Variants in SFMBT2 observed in about 807,000 individuals in gnomAD.
The protein encoded by SFMBT2 is Scm like with four mbt domains 2.
In SFMBT2, 38 loss-of-function variants were observed where a neutral mutation model predicts 110.1. The observed-to-expected ratio is 0.35, with a 90% CI of 0.27 to 0.45. The LOEUF (loss-of-function observed/expected upper bound fraction) is 0.45, where lower values mean the gene tolerates loss of function less well. SFMBT2 is among the 20% of genes least tolerant of loss of function. The probability of loss-of-function intolerance (pLI) is 1.00; values close to 1 mark genes in which losing one functional copy is unlikely to be tolerated. For missense variants in SFMBT2, 1,011 were observed against 1,094.9 expected (o/e 0.92, Z 1.08); for synonymous variants, 425 against 425.4 (o/e 1.00, Z 0.01).
rs1376512157 is a variant in SFMBT2, at chr10:7,161,960, G to A, written c.*1810C>T. 6.6e-6 allele frequency: 1 copy of A among 152,204 alleles called. No homozygotes were observed. The highest frequency in any genetic ancestry group is 2.4e-5 in the African/African-American group (1 of 41,432). 9.4% of individuals were successfully genotyped at this position (152,204 alleles called of 1,614,324 possible). A position where few individuals can be genotyped will look rare whatever the true frequency, so the allele number is the denominator to read the frequency against. ...AAAGCAGGAAGGGTGAGAAGCCTCT[G>A]CTTCCAGTGTCTGCTTGGGAACTGT... On this transcript the variant is annotated 3_prime_UTR_variant, in exon 21 of 21. Coordinates refer to ENST00000397167, the MANE Select transcript of SFMBT2 (RefSeq NM_001387889.1).
In SFMBT2 at chr10:7,323,451, AAAAAAAAAAAAAAAAAACC is replaced by A. The variant is rs1312434596; in HGVS notation, c.437-37516_437-37498del. Among the ~76,000 whole-genome samples the A allele has an allele frequency of 5.4e-5, 6 of 110,254 alleles. No homozygotes were observed. In the East Asian group the frequency reaches 1.4e-3, roughly 25 times the overall value. The allele number at this position is 110,254 out of a possible 152,430, so 72.3% of individuals were successfully genotyped here. On this transcript the variant is annotated intron_variant, in intron 4 of 20. Transcript: ENST00000397167. ...GGGCAACAGAGCAAGACTCCATCTC[AAAAAAAAAAAAAAAAAACC>A]AAAAAAAAAAAAAATGAGGAAAATA...
chr10:7,255,612 A>G (rs1318671391), intron 7 of SFMBT2, among the ~76,000 whole-genome samples: 1 of 152,232 alleles, frequency 6.6e-6, no homozygotes, highest in Non-Finnish European at 1.5e-5. Context: ...TTCACAGGCT[A>G]CTGTGGCAAT....
Position 7,188,628 on chromosome 10 carries a change from C to T in SFMBT2, c.1804G>A (p.Ala602Thr). 6.2e-7 allele frequency: 1 copy of T among 1,612,562 alleles called. No individual in the cohort carries two copies. Among genetic ancestry groups the T allele is most frequent in the South Asian group, 1.1e-5 (1 of 90,824 alleles). ...TCCAGAATTGAAAACACTTACTTGG[C>T]CTTCAGCGTCTCTTCCTGGAAATTC... ...HWNFQEETLK[A>T]KYRGKTYRAV... is the part of the protein sequence containing the mutation. Residue 602 changes from alanine (A) to threonine (T), a missense_variant, in exon 16 of 21, where the codon GCC becomes ACC. By Grantham distance (58) the Ala-to-Thr change is moderately conservative (BLOSUM62 0). Transcript: ENST00000397167.
intron 11 of SFMBT2, among the ~76,000 whole-genome samples, chr10:7,208,984 T>C (rs950182276): frequency 6.6e-6 from 1 of 152,174 alleles, no homozygotes; most frequent in African/African-American, 2.4e-5. Context: ...TATATCCCAT[T>C]AAGGCATCTA....
chr10:7,220,589 A>G lies in SFMBT2; in HGVS notation c.1204-52T>C, dbSNP rs749385332. 21 of 1,604,886 alleles carry G rather than the reference A, an allele frequency of 1.3e-5. No homozygotes were observed. In the East Asian group the frequency reaches 4.7e-4, roughly 36 times the overall value. On this transcript the variant is annotated intron_variant, in intron 10 of 20. Transcript: ENST00000397167. The stretch of plus-strand genomic sequence containing the variant: ...AGCCAGTGCTGACGCAGCAGGACAA[A>G]GCTGGGCAGATGAAGAAAGAGAAAG...
At chr10:7,272,877 C>A (rs1452144247) in intron 7 of SFMBT2, among the ~76,000 whole-genome samples, 2 of 152,214 alleles carry the variant, frequency 1.3e-5, no homozygotes, top group Admixed American at 1.3e-4. Context: ...ACTGCAACCT[C>A]TGCCTCCCGG....
At chr10:7,218,779 AC>A (rs1295878899) in intron 11 of SFMBT2, among the ~76,000 whole-genome samples, 1 of 152,200 alleles carries the variant, frequency 6.6e-6, no homozygotes, top group African/African-American at 2.4e-5. Context: ...CTTTTTTAAG[AC>A]GTGGGAAGCC....
At position 7,381,838 on chromosome 10, in the gene SFMBT2, A is replaced by T. The variant is rs1317825997; in HGVS notation, c.61T>A (p.Cys21Ser). 6.2e-7 allele frequency: 1 copy of T among 1,613,814 alleles called. No homozygotes were observed. The highest frequency in any genetic ancestry group is 2.2e-5 in the East Asian group (1 of 44,860). The change falls in exon 2 of 21, where the codon TGT (cysteine) becomes AGT (serine). Residue 21 changes from cysteine (C) to serine (S), a missense_variant. By Grantham distance (112) the Cys-to-Ser change is moderately radical. This residue lies in a region of SFMBT2 where 979 missense variants were observed against 1,016.1 expected (regional missense o/e 0.96). Coordinates refer to ENST00000397167, the MANE Select transcript of SFMBT2 (RefSeq NM_001387889.1). ...QDPSSSPLEK[C>S]LGSANGNGDL... is the part of the protein sequence containing the mutation. The stretch of plus-strand genomic sequence containing the variant: ...CCATTTCCATTAGCTGAGCCGAGAC[A>T]CTTTTCCAAGGGTGAAGATGAAGGG...
Position 7,167,356 on chromosome 10 carries a change from T to C in SFMBT2, c.2545-3446A>G, listed in dbSNP as rs75691357. On this transcript the variant is annotated intron_variant, in intron 20 of 20. Coordinates refer to ENST00000397167, the MANE Select transcript of SFMBT2 (RefSeq NM_001387889.1). ...TGTACAGGTTTGCAGCATGAGATTATGGAGTATAGATTTTTTAAGCGGTTG... is the reference window on the plus strand; with the variant it reads ...TGTACAGGTTTGCAGCATGAGATTACGGAGTATAGATTTTTTAAGCGGTTG... Among the ~76,000 whole-genome samples the C allele has an allele frequency of 4.0e-3, 607 of 152,332 alleles. 3 individuals carry two copies. Among genetic ancestry groups the C allele is most frequent in the African/African-American group, 0.014 (588 of 41,580 alleles).
intron 1 of SFMBT2, among the ~76,000 whole-genome samples, chr10:7,389,823 A>C (rs1270163003): frequency 6.6e-6 from 1 of 152,132 alleles, no homozygotes; most frequent in Non-Finnish European, 1.5e-5. Context: ...TTCATTGTAC[A>C]TTTTCTGCAT....
intron 11 of SFMBT2, among the ~76,000 whole-genome samples, chr10:7,210,073 G>A (rs1839288085): frequency 6.6e-6 from 1 of 152,150 alleles, no homozygotes. Flanking sequence ...ACAGATTTCT[G>A]AGAATCCCTT....
chr10:7,319,174 C>T (rs749763992), intron 4 of SFMBT2, among the ~76,000 whole-genome samples: 2 of 152,192 alleles, frequency 1.3e-5, no homozygotes. Flanking sequence ...AAACAAAAAA[C>T]GTAAGTCCGC....
At chr10:7,192,697 C>A (rs770716815) in intron 15 of SFMBT2, among the ~76,000 whole-genome samples, 1 of 152,168 alleles carries the variant, frequency 6.6e-6, no homozygotes, top group Non-Finnish European at 1.5e-5. Context: ...AATCCCAAAC[C>A]GCCAGGTCCC....
rs1491088250 is a variant in SFMBT2, at chr10:7,189,855, ACG to A, written c.1699-1124_1699-1123del. Among the ~76,000 whole-genome samples, 1,188 of 152,326 alleles carry A rather than the reference ACG, an allele frequency of 7.8e-3. 21 individuals carry two copies. Among genetic ancestry groups the A allele is most frequent in the African/African-American group, 0.026 (1,100 of 41,580 alleles). On this transcript the variant is annotated intron_variant, in intron 15 of 20. Transcript: ENST00000397167. ...GGGAGTCTGGCACTAGTGCCTAAACACGCACTATCTTTTAATGGAGACTATTA... is the reference window on the plus strand; with the variant it reads ...GGGAGTCTGGCACTAGTGCCTAAACACACTATCTTTTAATGGAGACTATTA...
At chr10:7,263,920 G>T (rs963819143) in intron 7 of SFMBT2, among the ~76,000 whole-genome samples, 1 of 152,222 alleles carries the variant, frequency 6.6e-6, no homozygotes, top group East Asian at 1.9e-4. Flanking sequence ...CTTTAATCTA[G>T]GTCTCCGATG....
intron 1 of SFMBT2, among the ~76,000 whole-genome samples, chr10:7,395,316 C>A (rs1423588115): frequency 1.3e-5 from 2 of 152,214 alleles, no homozygotes; most frequent in Non-Finnish European, 2.9e-5. Flanking sequence ...GAAAAACGTC[C>A]TCCCTCAGAA....
intron 4 of SFMBT2, among the ~76,000 whole-genome samples, chr10:7,310,523 T>C (rs142447945): frequency 5.9e-5 from 9 of 152,346 alleles, no homozygotes; most frequent in Non-Finnish European, 8.8e-5. Context: ...ATTCTCTATC[T>C]GTTCTAATGA....
chr10:7,202,497 G>A lies in SFMBT2; in HGVS notation c.1470C>T (p.Val490=), dbSNP rs778884426. The change falls in exon 13 of 21, where the codon GTC becomes GTT. Residue 490 remains valine (V), a synonymous_variant. Transcript: ENST00000397167. Reference sequence around the variant, plus strand: ...GCACGTACTGTTTCTCTGGTTGCACGACTGCAATCTTTCTCTTCTTTTGTG... The same window carrying A: ...GCACGTACTGTTTCTCTGGTTGCACAACTGCAATCTTTCTCTTCTTTTGTG... ...TVSQKKRKIA[V]VQPEKQLPPT... The A allele has an allele frequency of 2.5e-6, 4 of 1,614,140 alleles. No individual in the cohort carries two copies. Among genetic ancestry groups the A allele is most frequent in the East Asian group, 2.2e-5 (1 of 44,884 alleles).
At chr10:7,240,992 A>G (rs1840412934) in intron 9 of SFMBT2, among the ~76,000 whole-genome samples, 1 of 152,188 alleles carries the variant, frequency 6.6e-6, no homozygotes, top group African/African-American at 2.4e-5. Context: ...CACAATTCCC[A>G]CATGTCACGG....
Sources: gnomAD v4.1 joint callset for allele counts (sites outside exome capture counted in the v4.1 genomes callset) on GRCh38, gnomAD v4.1.1 for gene constraint, gnomAD v4.1.1 regional missense constraint, MANE v1.5 for transcripts, NCBI Gene and HGNC (gene_info 2026-07-23, HGNC 2026-07-21) for gene names.